TMC5: variants seen among roughly 807,000 people sequenced by gnomAD.
TMC5 encodes the protein transmembrane channel like 5.
In TMC5, 86 loss-of-function variants were observed where a neutral mutation model predicts 110.5. That is an observed-to-expected ratio of 0.78 (90% CI 0.65 to 0.93). The LOEUF (loss-of-function observed/expected upper bound fraction) is 0.93, where lower values mean the gene tolerates loss of function less well. TMC5 is among the 40% of genes least tolerant of loss of function. The pLI, the probability that TMC5 is intolerant of heterozygous loss-of-function variation, is 0.00. For missense variants in TMC5, 1,144 were observed against 1,222.8 expected, an observed-to-expected ratio of 0.94 and a Z score of 0.96; for synonymous variants, 455 against 439.5, an observed-to-expected ratio of 1.04 and a Z score of -0.44.
chr16:19,492,104 G>A, intron 18 of TMC5, 46 bp from the exon 19 acceptor site: 1 of 1,490,260 alleles, frequency 6.7e-7, no homozygotes. Flanking sequence ...TTCAGAGCCT[G>A]CAAAACATTT....
intron 19 of TMC5, 106 bp from the exon 20 acceptor site, chr16:19,494,156 T>C (rs765261786): frequency 9.5e-6 from 8 of 838,410 alleles, no homozygotes; most frequent in Non-Finnish European, 1.4e-5. Flanking sequence ...TCTAGGATCC[T>C]AGCTGCCTGA....
Position 19,463,364 on chromosome 16 carries a change from C to G in TMC5, c.1233C>G (p.Ser411=). ...NCCIQCLNSI[S]RAYRRSKNSL... ...GTATTCAGTGTCTGAACTCCATTTC[C>G]CGGGTAAGTCAGTAAAACAGGCACA... Residue 411 remains serine, a synonymous_variant, in exon 7 of 22, where the codon TCC becomes TCG. Coordinates refer to ENST00000542583, the MANE Select transcript of TMC5 (RefSeq NM_001261841.2). 6.2e-7 allele frequency: 1 copy of G among 1,611,774 alleles called. No homozygotes were observed. Among genetic ancestry groups the G allele is most frequent in the Non-Finnish European group, 8.5e-7 (1 of 1,177,904 alleles).
chr16:19,455,919 T>A (rs906172377), intron 5 of TMC5, among the ~76,000 whole-genome samples: 1 of 152,082 alleles, frequency 6.6e-6, no homozygotes, highest in African/African-American at 2.4e-5. Flanking sequence ...ATATAAAATA[T>A]AAGTTCAGCC....
intron 20 of TMC5, among the ~76,000 whole-genome samples, chr16:19,496,149 C>G (rs1969046124): frequency 1.8e-5 from 2 of 110,868 alleles, no homozygotes; most frequent in South Asian, 3.8e-4. Flanking sequence ...CAGTGCAAGA[C>G]TCCGTGTCAA....
At chr16:19,423,780 C>A (rs2143369532) in intron 1 of TMC5, among the ~76,000 whole-genome samples, 1 of 152,204 alleles carries the variant, frequency 6.6e-6, no homozygotes, top group South Asian at 2.1e-4. Flanking sequence ...GAGACAGAAT[C>A]TTTCTCTGTT....
At chr16:19,440,910 T>C in intron 3 of TMC5, 84 bp downstream of exon 3, 1 of 1,369,220 alleles carries the variant, frequency 7.3e-7, no homozygotes, top group Non-Finnish European at 1.0e-6. Context: ...TGGTGTGGTT[T>C]AGATTAGGGA....
intron 1 of TMC5, among the ~76,000 whole-genome samples, chr16:19,427,208 C>T (rs1011463290): frequency 6.6e-6 from 1 of 152,152 alleles, no homozygotes; most frequent in Non-Finnish European, 1.5e-5. Flanking sequence ...AATCCCAGCA[C>T]TTTGGGAGGC....
rs766138243 is a variant in TMC5 at position 19,490,396 on chromosome 16, T to C, written c.2575T>C (p.Leu859=). 11 of 1,613,990 alleles carry C rather than the reference T, an allele frequency of 6.8e-6. No individual in the cohort carries two copies. Among genetic ancestry groups the C allele is most frequent in the Non-Finnish European group, 7.6e-6 (9 of 1,180,008 alleles). The change falls in exon 18 of 22, where the codon TTG becomes CTG. Residue 859 remains leucine (L), a splice_region_variant and synonymous_variant. Transcript: ENST00000542583. ...LCTLAITIWR[L]KPSADCGPFR... is the part of the protein sequence containing the mutation. ...GTTCTTCCATCTTTGTTTTACCAGATTGAAGCCTTCAGCTGACTGTGGCCC... is the reference window on the plus strand; with the variant it reads ...GTTCTTCCATCTTTGTTTTACCAGACTGAAGCCTTCAGCTGACTGTGGCCC...
rs182979030 is a variant in TMC5 at position 19,435,085 on chromosome 16, T to C, written c.-80+4445T>C. Among the ~76,000 whole-genome samples, 3 of 152,334 alleles carry C rather than the reference T, an allele frequency of 2.0e-5. No homozygotes were observed. In the East Asian group the frequency reaches 5.8e-4, roughly 29 times the overall value. On this transcript the variant is annotated intron_variant, in intron 2 of 21. Transcript: ENST00000542583. ...TTCTTTGATTTATGTATAAGAAAAT[T>C]GGAAATATTTGTGAGCCAAAACCCT... is the stretch of plus-strand genomic sequence containing the variant.
In TMC5 at chr16:19,465,444, A is replaced by G. The variant is rs73540120; in HGVS notation, c.1486-638A>G. The stretch of plus-strand genomic sequence containing the variant: ...CACTACTAGGCAAGCTGAGGCAGGG[A>G]GAATTGCTTGAACCCGGGAGGTTGC... On this transcript the variant is annotated intron_variant, in intron 8 of 21. Transcript: ENST00000542583. 5.7e-3 allele frequency among the ~76,000 whole-genome samples: 864 copies of G among 152,164 alleles called. 7 individuals are homozygous for G. The highest frequency in any genetic ancestry group is 0.019 in the African/African-American group (799 of 41,498).
At chr16:19,491,217 C>T (rs560828299) in intron 18 of TMC5, among the ~76,000 whole-genome samples, 2 of 152,224 alleles carry the variant, frequency 1.3e-5, no homozygotes, top group Admixed American at 1.3e-4. Context: ...CCTGTGTTGC[C>T]CAGGCTGGTC....
intron 9 of TMC5, among the ~76,000 whole-genome samples, chr16:19,468,199 T>C (rs928736828): frequency 1.3e-5 from 2 of 152,162 alleles, no homozygotes; most frequent in Non-Finnish European, 2.9e-5. Context: ...GGTCTTGAAC[T>C]CCTGACCTCA....
At position 19,450,347 on chromosome 16, in the gene TMC5, G is replaced by T. The variant is rs867851104; in HGVS notation, c.1048+716G>T. Among the ~76,000 whole-genome samples the T allele has an allele frequency of 2.0e-5, 3 of 152,174 alleles. No homozygotes were observed. In the South Asian group the frequency reaches 6.2e-4, roughly 32 times the overall value. On this transcript the variant is annotated intron_variant, in intron 5 of 21. Transcript: ENST00000542583. Reference sequence around the variant, plus strand: ...CTTCCAGCACCTAGTACAGTGCCTGGCACGTAGTAGGTATTTTAGGGATAT... The same window carrying T: ...CTTCCAGCACCTAGTACAGTGCCTGTCACGTAGTAGGTATTTTAGGGATAT...
chr16:19,440,627 C>G lies in TMC5; in HGVS notation c.589C>G (p.Pro197Ala), dbSNP rs770483697. ...GGAACATACAAGTTTTAGAATCAAT[C>G]CATACGCAGACTCTCTGGGAAAGCC... ...NLEHTSFRIN[P>A]YADSLGKPDY... is the part of the protein sequence containing the mutation. Residue 197 changes from proline (P) to alanine (A), a missense_variant, in exon 3 of 22, where the codon CCA (proline) becomes GCA (alanine). Physicochemically the swap from Pro to Ala is conservative, Grantham distance 27. Transcript: ENST00000542583. 8.7e-6 allele frequency: 14 copies of G among 1,614,204 alleles called. No individual in the cohort carries two copies. The South Asian group carries it at 1.5e-4, about 18-fold the overall frequency.
chr16:19,482,840 CTG>C (rs1359394546), intron 15 of TMC5, among the ~76,000 whole-genome samples: 2 of 151,832 alleles, frequency 1.3e-5, no homozygotes, highest in Admixed American at 6.6e-5. Flanking sequence ...TAGCCAGTGG[CTG>C]TGTTTCCTTA....
chr16:19,475,802 CTTTTTTTTTTTT>C (rs1032784346), intron 12 of TMC5, among the ~76,000 whole-genome samples: 3 of 127,358 alleles, frequency 2.4e-5, no homozygotes, highest in Non-Finnish European at 5.0e-5. Context: ...AATTTTCTTT[CTTTTTTTTTTTT>C]TTTTTTTTGA....
At chr16:19,452,904 C>CAG (rs936352821) in intron 5 of TMC5, among the ~76,000 whole-genome samples, 3 of 151,688 alleles carry the variant, frequency 2.0e-5, no homozygotes, top group Non-Finnish European at 4.4e-5. Context: ...GGCAGGAGAT[C>CAG]AGAGAGAGAG....
intron 20 of TMC5, among the ~76,000 whole-genome samples, chr16:19,496,095 T>C (rs57023777): frequency 0.023 from 3,499 of 150,990 alleles, 151 homozygotes; most frequent in African/African-American, 0.08. Context: ...GAGGTGGAGA[T>C]TGCAGTGAGC....
chr16:19,441,004 G>C (rs1200350786), intron 3 of TMC5, among the ~76,000 whole-genome samples, 178 bp downstream of exon 3: 1 of 152,184 alleles, frequency 6.6e-6, no homozygotes, highest in Admixed American at 6.5e-5. Context: ...TGGACTCTCA[G>C]TTTGAGGCTT....
Sources: gnomAD v4.1 joint callset for allele counts (sites outside exome capture counted in the v4.1 genomes callset) on GRCh38, gnomAD v4.1.1 for gene constraint, MANE v1.5 for transcripts, NCBI Gene and HGNC (gene_info 2026-07-23, HGNC 2026-07-21) for gene names.